Variants in ZNF780B observed in about 807,000 individuals in gnomAD.
The protein encoded by ZNF780B is zinc finger protein 780B.
ZNF780B carries 52 observed loss-of-function variants against 74.1 expected under a neutral mutation model. The ratio of observed to expected loss-of-function variants is 0.70; its 90% CI spans 0.56 to 0.88. The LOEUF is 0.88. Among genes scored for constraint, ZNF780B ranks in the 40% least tolerant of loss-of-function variants. The pLI is 0.00. For synonymous variants in ZNF780B, 315 were observed against 324.3 expected, an observed-to-expected ratio of 0.97 and a Z score of 0.31; for missense variants, 953 against 1,007.6, an observed-to-expected ratio of 0.95 and a Z score of 0.73.
At chr19:40,050,559 C>T (rs1012370104) in intron 1 of ZNF780B, among the ~76,000 whole-genome samples, 182 bp from the exon 2 acceptor site, 2 of 152,226 alleles carry the variant, frequency 1.3e-5, no homozygotes, top group African/African-American at 4.8e-5. Flanking sequence ...TGGCAGTGAA[C>T]AGGTGGAGTG....
In ZNF780B at chr19:40,034,971, G is replaced by A. The variant is rs766991424; in HGVS notation, c.1888C>T (p.His630Tyr). The change falls in exon 5 of 5, where the codon CAC becomes TAC. Residue 630 changes from histidine to tyrosine, a missense_variant. Transcript: ENST00000434248. ...TCACCTGTGTGAATGTTCTTATGGT[G>A]ATTAAGCTGGGTGTGAAGACTGAAG... Reference protein sequence around the residue: ...KAFSLHTQLNHHKNIHTGEKP... With the variant: ...KAFSLHTQLNYHKNIHTGEKP... The A allele has an allele frequency of 4.3e-6, 7 of 1,614,012 alleles. No individual in the cohort carries two copies. The Admixed American group carries it at 8.3e-5, about 19-fold the overall frequency.
intron 1 of ZNF780B, among the ~76,000 whole-genome samples, chr19:40,051,889 T>G (rs541173777): frequency 6.6e-6 from 1 of 152,274 alleles, no homozygotes; most frequent in African/African-American, 2.4e-5. Context: ...ATACAATTCC[T>G]ACAGAATGCC....
At position 40,031,544 on chromosome 19, in the gene ZNF780B, C is replaced by T. The variant is rs1486405061; in HGVS notation, c.*2813G>A. On this transcript the variant is annotated 3_prime_UTR_variant, in exon 5 of 5. Transcript: ENST00000434248. ...GGCTTAATGGTATCATGTTTTACAG[C>T]TTGATTTAAAGGGTTAATATTTTTT... is the stretch of plus-strand genomic sequence containing the variant. The T allele has an allele frequency of 6.6e-6, 1 of 152,380 alleles. No individual in the cohort carries two copies. The highest frequency in any genetic ancestry group is 2.4e-5 in the African/African-American group (1 of 41,432). The allele number at this position is 152,380 out of a possible 1,614,324, so 9.4% of individuals were successfully genotyped here.
chr19:40,055,459 G>C (rs915225823), intron 1 of ZNF780B: 1 of 152,042 alleles, frequency 6.6e-6, no homozygotes, highest in Non-Finnish European at 1.5e-5. Flanking sequence ...TCCTCCTCTC[G>C]GTCCTTCTTT....
chr19:40,037,740 T>C (rs1972407287), intron 4 of ZNF780B, among the ~76,000 whole-genome samples: 1 of 152,188 alleles, frequency 6.6e-6, no homozygotes, highest in Non-Finnish European at 1.5e-5. Context: ...TCCTCCTTTG[T>C]GGCTGATCTC....
At chr19:40,048,943 G>T in intron 2 of ZNF780B, 147 bp from the exon 3 acceptor site, 1 of 1,301,594 alleles carries the variant, frequency 7.7e-7, no homozygotes, top group Non-Finnish European at 1.0e-6. Flanking sequence ...CCTGCTGCTG[G>T]CCTGGTGTGG....
In ZNF780B at chr19:40,053,034, A is replaced by AT. The variant is rs199774399; in HGVS notation, c.-45-2658dup. 6.7e-3 allele frequency among the ~76,000 whole-genome samples: 1,014 copies of AT among 151,986 alleles called. 5 individuals are homozygous for AT. The highest frequency in any genetic ancestry group is 0.012 in the Non-Finnish European group (792 of 67,920). On this transcript the variant is annotated intron_variant, in intron 1 of 4. Coordinates refer to ENST00000434248, the MANE Select transcript of ZNF780B (RefSeq NM_001005851.3). ...CTTCATGACATTGATCTGGGCAATAATTTTTTTTTCTAGAAATGACTTCAA... is the reference window on the plus strand; with the variant it reads ...CTTCATGACATTGATCTGGGCAATAATTTTTTTTTTCTAGAAATGACTTCAA...
Position 40,031,194 on chromosome 19 carries a change from A to G in ZNF780B, c.*3163T>C, listed in dbSNP as rs563882445. The G allele has an allele frequency of 6.6e-6, 1 of 152,322 alleles. No homozygotes were observed. The highest frequency in any genetic ancestry group is 2.1e-4 in the South Asian group (1 of 4,828). The allele number at this position is 152,322 out of a possible 1,614,324, so 9.4% of individuals were successfully genotyped here. ...TTAATCTTAAAAAAAATTTAATCTA[A>G]TTCATGATGCCACATCGGTATCATG... On this transcript the variant is annotated 3_prime_UTR_variant, in exon 5 of 5. Transcript: ENST00000434248.
rs896836503 is a variant in ZNF780B at position 40,034,140 on chromosome 19, T to C, written c.*217A>G. The C allele has an allele frequency of 8.0e-6, 5 of 622,490 alleles. No individual in the cohort carries two copies. The African/African-American group carries it at 9.2e-5, about 11-fold the overall frequency. The allele number at this position is 622,490 out of a possible 1,614,324, so 38.6% of individuals were successfully genotyped here. A position where few individuals can be genotyped will look rare whatever the true frequency, so the allele number is the denominator to read the frequency against. On this transcript the variant is annotated 3_prime_UTR_variant, in exon 5 of 5. Coordinates refer to ENST00000434248, the MANE Select transcript of ZNF780B (RefSeq NM_001005851.3). ...TATGAATTTTAACATGTTTAACAGG[T>C]TTGAACTATGACTAAAGGCTTTCCC...
In ZNF780B at chr19:40,030,655, G is replaced by C. The variant is rs920495050; in HGVS notation, c.*3702C>G. 1 of 152,192 alleles carries C rather than the reference G, an allele frequency of 6.6e-6. No homozygotes were observed. Among genetic ancestry groups the C allele is most frequent in the East Asian group, 1.9e-4 (1 of 5,206 alleles). 9.4% of individuals were successfully genotyped at this position (152,192 alleles called of 1,614,324 possible). A position where few individuals can be genotyped will look rare whatever the true frequency, so the allele number is the denominator to read the frequency against. ...TTGTAACTTTAACAAATATATTAAA[G>C]TGTTTTATTATGTTTGCAAAGGGAC... On this transcript the variant is annotated 3_prime_UTR_variant, in exon 5 of 5. Coordinates refer to ENST00000434248, the MANE Select transcript of ZNF780B (RefSeq NM_001005851.3).
At chr19:40,050,258 T>A in intron 2 of ZNF780B, 66 bp downstream of exon 2, 2 of 1,255,166 alleles carry the variant, frequency 1.6e-6, no homozygotes, top group Non-Finnish European at 2.2e-6. Context: ...TCAGGTTTAA[T>A]AATAACAGTC....
intron 1 of ZNF780B, among the ~76,000 whole-genome samples, chr19:40,054,757 C>A (rs1568428983): frequency 6.6e-6 from 1 of 152,222 alleles, no homozygotes; most frequent in Non-Finnish European, 1.5e-5. Context: ...ATGTTCATTA[C>A]AAGCCTGAGA....
chr19:40,047,872 G>C (rs964303716), intron 3 of ZNF780B, among the ~76,000 whole-genome samples: 4 of 152,044 alleles, frequency 2.6e-5, no homozygotes, highest in Admixed American at 1.3e-4. Flanking sequence ...ATTAAATAAG[G>C]TAATATATGT....
intron 4 of ZNF780B, among the ~76,000 whole-genome samples, chr19:40,041,066 T>A (rs1299539459): frequency 6.6e-6 from 1 of 152,188 alleles, no homozygotes; most frequent in African/African-American, 2.4e-5. Flanking sequence ...TCCCTCTACA[T>A]ACTGCTTTGA....
Position 40,031,893 on chromosome 19 carries a change from G to A in ZNF780B, c.*2464C>T. On this transcript the variant is annotated 3_prime_UTR_variant, in exon 5 of 5. Transcript: ENST00000434248. Reference sequence around the variant, plus strand: ...ACTAAATCTTTACAATGGACTTACGGCGGTTACCAGCTTACCCAAATGATC... The same window carrying A: ...ACTAAATCTTTACAATGGACTTACGACGGTTACCAGCTTACCCAAATGATC... 3.2e-6 allele frequency: 1 copy of A among 315,546 alleles called. No homozygotes were observed. Among genetic ancestry groups the A allele is most frequent in the Non-Finnish European group, 6.3e-6 (1 of 158,504 alleles). The allele number at this position is 315,546 out of a possible 1,614,324, so 19.5% of individuals were successfully genotyped here. A position where few individuals can be genotyped will look rare whatever the true frequency, so the allele number is the denominator to read the frequency against.
At chr19:40,039,680 T>TG (rs1972534274) in intron 4 of ZNF780B, among the ~76,000 whole-genome samples, 1 of 152,220 alleles carries the variant, frequency 6.6e-6, no homozygotes, top group African/African-American at 2.4e-5. Flanking sequence ...CAATTGTGAA[T>TG]GGGAGTTCAC....
intron 3 of ZNF780B, among the ~76,000 whole-genome samples, chr19:40,048,191 C>A (rs1396088280): frequency 6.6e-6 from 1 of 152,138 alleles, no homozygotes; most frequent in Non-Finnish European, 1.5e-5. Flanking sequence ...GTTGCCCAGG[C>A]TGAAGTACAG....
In ZNF780B at chr19:40,047,338, A is replaced by ATG. The variant is rs767421793; in HGVS notation, c.232+35_232+36dup. The ATG allele has an allele frequency of 2.2e-5, 34 of 1,555,766 alleles. 1 individual carries two copies. In the South Asian group the frequency reaches 3.6e-4, roughly 16 times the overall value. ...CTGAGCACATGGGCTGTCCGGGACA[A>ATG]TGATGGCTTCCCCCTGCCTGCTTTA... On this transcript the variant is annotated intron_variant, in intron 4 of 4. Coordinates refer to ENST00000434248, the MANE Select transcript of ZNF780B (RefSeq NM_001005851.3).
At chr19:40,049,141 G>A (rs1187599757) in intron 2 of ZNF780B, 1 of 235,896 alleles carries the variant, frequency 4.2e-6, no homozygotes, top group Non-Finnish European at 8.3e-6. Context: ...AGCTGAGGTG[G>A]GAGTATTGCT....
Sources: allele counts gnomAD v4.1 joint callset (sites outside exome capture counted in the v4.1 genomes callset), GRCh38; gene constraint gnomAD v4.1.1; transcripts MANE v1.5; gene names NCBI Gene and HGNC (gene_info 2026-07-23, HGNC 2026-07-21).